Variants in SRD5A2 observed in about 807,000 individuals in gnomAD.
The protein encoded by SRD5A2 is steroid 5 alpha-reductase 2, also known as 3-oxo-5-alpha-steroid 4-dehydrogenase 2.
In SRD5A2, 30 loss-of-function variants were observed where a neutral mutation model predicts 27.4. The observed-to-expected ratio is 1.10, with a 90% CI of 0.82 to 1.49. The LOEUF is 1.49. Among genes scored for constraint, SRD5A2 ranks in the 40% most tolerant of loss-of-function variants. The probability of loss-of-function intolerance (pLI) is 0.00; values close to 1 mark genes in which losing one functional copy is unlikely to be tolerated. For synonymous variants in SRD5A2, 141 were observed against 133.6 expected, an observed-to-expected ratio of 1.06 and a Z score of -0.38; for missense variants, 348 against 323.4, an observed-to-expected ratio of 1.08 and a Z score of -0.58.
In SRD5A2 at chr2:31,525,214, T is replaced by G. The variant is rs1391842029; in HGVS notation, c.*982A>C. 1 of 222,474 alleles carries G rather than the reference T, an allele frequency of 4.5e-6. No individual in the cohort carries two copies. The highest frequency in any genetic ancestry group is 9.0e-6 in the Non-Finnish European group (1 of 111,274). 13.8% of individuals were successfully genotyped at this position (222,474 alleles called of 1,614,324 possible). A position where few individuals can be genotyped will look rare whatever the true frequency, so the allele number is the denominator to read the frequency against. On this transcript the variant is annotated 3_prime_UTR_variant, in exon 5 of 5. Transcript: ENST00000622030. Reference sequence around the variant, plus strand: ...GTCCTGAGAACTACAAGGAAGAAGCTCCAGGAAAGGAAAGTTGCTTGGGGC... The same window carrying G: ...GTCCTGAGAACTACAAGGAAGAAGCGCCAGGAAAGGAAAGTTGCTTGGGGC...
chr2:31,610,594 G>A, the SRD5A2 span, among the ~76,000 whole-genome samples: 27 of 152,126 alleles, frequency 1.8e-4, 2 homozygotes, highest in South Asian at 5.0e-3. Flanking sequence ...AGATGCCCAC[G>A]CTTGCCACTG....
intron 1 of SRD5A2, among the ~76,000 whole-genome samples, chr2:31,534,699 T>TGCAGACAAGAAAGA (rs1276419911): frequency 6.6e-6 from 1 of 152,224 alleles, no homozygotes; most frequent in Non-Finnish European, 1.5e-5. Context: ...TCTGATCTTT[T>TGCAGACAAGAAAGA]GCAGACAAGA....
chr2:31,566,117 A>G (rs1666723462), intron 1 of SRD5A2, among the ~76,000 whole-genome samples: 1 of 152,114 alleles, frequency 6.6e-6, no homozygotes, highest in Non-Finnish European at 1.5e-5. Context: ...TAACCCATAG[A>G]TATGAGAATA....
chr2:31,563,886 C>T (rs1223798128), intron 1 of SRD5A2, among the ~76,000 whole-genome samples: 1 of 152,132 alleles, frequency 6.6e-6, no homozygotes, highest in Non-Finnish European at 1.5e-5. Context: ...AGCATTAACA[C>T]TCTTCTGGAA....
the SRD5A2 span, among the ~76,000 whole-genome samples, chr2:31,607,085 G>A: frequency 8.6e-5 from 13 of 151,918 alleles, no homozygotes; most frequent in Non-Finnish European, 1.5e-4. Flanking sequence ...GAATAAGGAA[G>A]AAGAGAAGTG....
At chr2:31,577,162 TAAAAAAAAAA>T (rs10683997) in intron 1 of SRD5A2, among the ~76,000 whole-genome samples, 1 of 57,174 alleles carries the variant, frequency 1.7e-5, no homozygotes, top group East Asian at 6.4e-4. Context: ...AAAAAAACAT[TAAAAAAAAAA>T]AAAAAAAAAA....
chr2:31,578,786 G>GT (rs28382999), intron 1 of SRD5A2, among the ~76,000 whole-genome samples: 19,519 of 151,192 alleles, frequency 0.13, 1,403 homozygotes, highest in African/African-American at 0.18. Flanking sequence ...ACTCCTTTGG[G>GT]TTTTTTTTTA....
chr2:31,575,358 C>T (rs1327489838), intron 1 of SRD5A2, among the ~76,000 whole-genome samples: 1 of 152,140 alleles, frequency 6.6e-6, no homozygotes, highest in Non-Finnish European at 1.5e-5. Context: ...TTGTGCTTTG[C>T]TTCTGTAAAA....
chr2:31,581,122 T>G (rs1007783552), upstream of SRD5A2: 3 of 563,116 alleles, frequency 5.3e-6, no homozygotes, highest in Admixed American at 6.4e-5. Flanking sequence ...AACGAAGGCC[T>G]TCTTAGTTCG....
At chr2:31,591,206 C>A in the SRD5A2 span, among the ~76,000 whole-genome samples, 1 of 152,154 alleles carries the variant, frequency 6.6e-6, no homozygotes, top group Non-Finnish European at 1.5e-5. Context: ...GGGCTAATAT[C>A]CAGAATCTAC....
chr2:31,587,446 C>T, the SRD5A2 span, among the ~76,000 whole-genome samples: 2 of 152,168 alleles, frequency 1.3e-5, no homozygotes, highest in South Asian at 4.1e-4. Context: ...TATAAAGACA[C>T]ATGCACACAT....
intron 4 of SRD5A2, 52 bp downstream of exon 4, chr2:31,529,255 T>G: frequency 6.2e-7 from 1 of 1,607,208 alleles, no homozygotes; most frequent in Non-Finnish European, 8.5e-7. Context: ...AAAAGCCTGT[T>G]TGGAGAAGAA....
the SRD5A2 span, among the ~76,000 whole-genome samples, chr2:31,598,540 A>G: frequency 0.025 from 3,838 of 152,192 alleles, 157 homozygotes; most frequent in African/African-American, 0.087. Context: ...TAGAGTTTCT[A>G]TTAGTTTTAT....
chr2:31,550,487 G>T (rs754612013), intron 1 of SRD5A2, among the ~76,000 whole-genome samples: 1 of 151,340 alleles, frequency 6.6e-6, no homozygotes, highest in African/African-American at 2.4e-5. Context: ...CATAAAAATT[G>T]ATGCAAAAAC....
intron 1 of SRD5A2, among the ~76,000 whole-genome samples, chr2:31,566,353 G>T (rs1192542748): frequency 6.6e-6 from 1 of 151,816 alleles, no homozygotes; most frequent in Admixed American, 6.6e-5. Flanking sequence ...ACATAATAAA[G>T]ATCAAAACAG....
chr2:31,549,956 G>T (rs966088335), intron 1 of SRD5A2, among the ~76,000 whole-genome samples: 3 of 152,048 alleles, frequency 2.0e-5, no homozygotes, highest in Non-Finnish European at 2.9e-5. Flanking sequence ...TTTTCAAGTG[G>T]CCATGGGATA....
chr2:31,612,926 T>C, the SRD5A2 span, among the ~76,000 whole-genome samples: 6 of 152,122 alleles, frequency 3.9e-5, no homozygotes, highest in Non-Finnish European at 7.4e-5. Flanking sequence ...GAAAGAACAG[T>C]CTCTTCAATA....
the SRD5A2 span, chr2:31,651,972 T>C: frequency 2.6e-5 from 4 of 152,598 alleles, no homozygotes; most frequent in Non-Finnish European, 5.8e-5. Flanking sequence ...TGAGTCACAG[T>C]TTTTCTTTTC....
At chr2:31,660,633 G>C in the SRD5A2 span, among the ~76,000 whole-genome samples, 5 of 151,996 alleles carry the variant, frequency 3.3e-5, no homozygotes, top group African/African-American at 1.2e-4. Context: ...GGGGCAGCAG[G>C]TGTATGGGAA....
Sources: allele counts gnomAD v4.1 joint callset (sites outside exome capture counted in the v4.1 genomes callset), GRCh38; gene constraint gnomAD v4.1.1; transcripts MANE v1.5; gene names NCBI Gene and HGNC (gene_info 2026-07-23, HGNC 2026-07-21).